Variants in LY75 observed in about 807,000 individuals in gnomAD.
LY75 encodes the protein lymphocyte antigen 75.
Under a neutral mutation model 231.7 loss-of-function variants are expected in LY75, and 185 were observed. The observed-to-expected ratio is 0.80, with a 90% CI of 0.71 to 0.90. The LOEUF is 0.90. LY75 is among the 40% of genes least tolerant of loss of function. The pLI, the probability that LY75 is intolerant of heterozygous loss-of-function variation, is 0.00. For missense variants in LY75, 1,947 were observed against 2,050.2 expected, an observed-to-expected ratio of 0.95 and a Z score of 0.97; for synonymous variants, 668 against 689.0, an observed-to-expected ratio of 0.97 and a Z score of 0.48.
Position 159,881,142 on chromosome 2 carries a change from C to T in LY75, c.1345G>A (p.Glu449Lys). ...TTGTAGGGAACATTTGGCTCATTCTCATCCCAATATGTTAGAGTAACTTCA... is the reference window on the plus strand; with the variant it reads ...TTGTAGGGAACATTTGGCTCATTCTTATCCCAATATGTTAGAGTAACTTCA... ...GTEVTLTYWD[E>K]NEPNVPYNKT... is the part of the protein sequence containing the mutation. Residue 449 changes from glutamate (E) to lysine (K), a missense_variant, in exon 8 of 35, where the codon GAG (glutamate) becomes AAG (lysine). Glu to Lys is a moderately conservative substitution (Grantham distance 56). Transcript: ENST00000263636. 6.2e-7 allele frequency: 1 copy of T among 1,613,918 alleles called. No homozygotes were observed. The highest frequency in any genetic ancestry group is 8.5e-7 in the Non-Finnish European group (1 of 1,179,906).
chr2:159,886,203 G>T (rs1453582996), intron 5 of LY75, among the ~76,000 whole-genome samples: 2 of 152,130 alleles, frequency 1.3e-5, no homozygotes, highest in African/African-American at 4.8e-5. Flanking sequence ...TGTTCTAAAG[G>T]TCTAGAGGTT....
Position 159,876,535 on chromosome 2 carries a change from C to T in LY75, c.1775-892G>A, listed in dbSNP as rs191979956. Among the ~76,000 whole-genome samples the T allele has an allele frequency of 3.5e-3, 530 of 152,200 alleles. 2 individuals carry two copies. Among genetic ancestry groups the T allele is most frequent in the Admixed American group, 5.5e-3 (84 of 15,272 alleles). On this transcript the variant is annotated intron_variant, in intron 11 of 34. Transcript: ENST00000263636. Reference sequence around the variant, plus strand: ...TTTCCCTGTTCAGTCCTTCTATCCACGGTGTGCCCATGATAGACCAAGTTG... The same window carrying T: ...TTTCCCTGTTCAGTCCTTCTATCCATGGTGTGCCCATGATAGACCAAGTTG...
chr2:159,879,456 C>CAG (rs1157081408), intron 8 of LY75, 87 bp from the exon 9 acceptor site: 9 of 1,542,850 alleles, frequency 5.8e-6, no homozygotes, highest in South Asian at 1.2e-5. Context: ...ATGACAGAGA[C>CAG]AGAGAGAGAG....
chr2:159,806,949 C>T (rs1219851280), intron 34 of LY75, 24 bp downstream of exon 34: 1 of 1,596,708 alleles, frequency 6.3e-7, no homozygotes, highest in Non-Finnish European at 8.5e-7. Flanking sequence ...CAAAAAGTCT[C>T]CTAAGGACAG....
chr2:159,891,750 A>G (rs1037376238), intron 3 of LY75, among the ~76,000 whole-genome samples: 2 of 152,338 alleles, frequency 1.3e-5, no homozygotes, highest in East Asian at 1.9e-4. Flanking sequence ...GAAGGAGGAT[A>G]AAGAATCCTT....
At chr2:159,888,754 T>C (rs1244384151) in intron 4 of LY75, among the ~76,000 whole-genome samples, 2 of 152,178 alleles carry the variant, frequency 1.3e-5, no homozygotes, top group East Asian at 3.8e-4. Flanking sequence ...TTATAAAAGG[T>C]GAATCCATTT....
chr2:159,878,414 C>T lies in LY75; in HGVS notation c.1684G>A (p.Asp562Asn), dbSNP rs1469500518. The part of the protein sequence containing the change: ...LRKYFWTGLR[D>N]VDSCGEYNWA... ...TTATACTCTCCACAAGAATCTACATCTCTCAGGCCAGTCCAGAAGTATTTT... is the reference window on the plus strand; with the variant it reads ...TTATACTCTCCACAAGAATCTACATTTCTCAGGCCAGTCCAGAAGTATTTT... Residue 562 changes from aspartate to asparagine, a missense_variant, in exon 11 of 35, where the codon GAT becomes AAT. Physicochemically the swap from Asp to Asn is conservative, Grantham distance 23 (BLOSUM62 1). Coordinates refer to ENST00000263636, the MANE Select transcript of LY75 (RefSeq NM_002349.4). 6.2e-7 allele frequency: 1 copy of T among 1,614,144 alleles called. No individual in the cohort carries two copies. Among genetic ancestry groups the T allele is most frequent in the South Asian group, 1.1e-5 (1 of 91,082 alleles).
At position 159,885,184 on chromosome 2, in the gene LY75, C is replaced by T; in HGVS notation, c.1023G>A (p.Arg341=). 6.2e-7 allele frequency: 1 copy of T among 1,613,500 alleles called. No homozygotes were observed. The highest frequency in any genetic ancestry group is 8.5e-7 in the Non-Finnish European group (1 of 1,179,632). The change falls in exon 6 of 35, where the codon AGG becomes AGA. Residue 341 remains arginine (R), a synonymous_variant. Transcript: ENST00000263636. ...ACTCCACTGTATTATTTAATGGTTT[C>T]CTGCAGACATAGGGCAGTTGAGCTT... ...SCEAQLPYVC[R]KPLNNTVELT...
intron 28 of LY75, among the ~76,000 whole-genome samples, chr2:159,830,516 G>A (rs1408451259): frequency 6.6e-6 from 1 of 151,594 alleles, no homozygotes; most frequent in East Asian, 1.9e-4. Context: ...ATCATATTTT[G>A]GATTGGTGGT....
chr2:159,832,570 C>T (rs887452401), intron 27 of LY75, among the ~76,000 whole-genome samples: 4 of 152,066 alleles, frequency 2.6e-5, no homozygotes, highest in African/African-American at 7.2e-5. Flanking sequence ...AAGGGTGTTC[C>T]TCACAAAATT....
At chr2:159,841,079 A>G (rs1206775647) in intron 24 of LY75, 124 bp from the exon 25 acceptor site, 2 of 1,430,560 alleles carry the variant, frequency 1.4e-6, no homozygotes, top group Non-Finnish European at 1.8e-6. Context: ...TATTTATTTT[A>G]GATTTTGGGT....
intron 3 of LY75, among the ~76,000 whole-genome samples, chr2:159,892,346 G>A (rs1166443423): frequency 6.6e-6 from 1 of 152,168 alleles, no homozygotes; most frequent in African/African-American, 2.4e-5. Context: ...TTTGGGACAA[G>A]GACTTCATAG....
At chr2:159,845,699 A>C (rs1684180582) in intron 23 of LY75, among the ~76,000 whole-genome samples, 1 of 150,200 alleles carries the variant, frequency 6.7e-6, no homozygotes. Flanking sequence ...GTAGGTTAAA[A>C]AATTTTTTTT....
At chr2:159,826,947 C>CA (rs1358589751) in intron 28 of LY75, among the ~76,000 whole-genome samples, 2 of 152,086 alleles carry the variant, frequency 1.3e-5, no homozygotes, top group Admixed American at 6.6e-5. Flanking sequence ...ACACCTTATA[C>CA]AAAAATAAAC....
At chr2:159,868,224 G>A (rs1343888156) in intron 13 of LY75, among the ~76,000 whole-genome samples, 1 of 152,170 alleles carries the variant, frequency 6.6e-6, no homozygotes, top group African/African-American at 2.4e-5. Context: ...TGTGTTAACT[G>A]CTAGGATCAG....
In LY75 at chr2:159,835,599, C is replaced by A. The variant is rs1683795315; in HGVS notation, c.3554G>T (p.Ser1185Ile). The change falls in exon 26 of 35, where the codon AGT becomes ATT. Residue 1185 changes from serine to isoleucine, a missense_variant. Transcript: ENST00000263636. ...GWSDGKRLHF[S>I]RWAETNGQLE... is the part of the protein sequence containing the mutation. ...TTGCCCATTAGTTTCAGCCCAGCGA[C>A]TAAAATGAAGACGTTTCCCATCTGA... 6.2e-7 allele frequency: 1 copy of A among 1,613,668 alleles called. No individual in the cohort carries two copies. The highest frequency in any genetic ancestry group is 1.3e-5 in the African/African-American group (1 of 74,906).
In LY75 at chr2:159,852,288, T is replaced by C. The variant is rs1684422913; in HGVS notation, c.2796A>G (p.Lys932=). The change falls in exon 21 of 35, where the codon AAA becomes AAG. Residue 932 remains lysine, a synonymous_variant. Coordinates refer to ENST00000263636, the MANE Select transcript of LY75 (RefSeq NM_002349.4). ...ATTTCTCTAACGAAGAAACATTATA[T>C]TTTTCACAGATGAAGGGCAACTTGG... The part of the protein sequence containing the change: ...CSTKLPFICE[K]YNVSSLEKYS... 1 of 1,614,078 alleles carries C rather than the reference T, an allele frequency of 6.2e-7. No homozygotes were observed. The highest frequency in any genetic ancestry group is 8.5e-7 in the Non-Finnish European group (1 of 1,179,978).
At chr2:159,867,771 A>G (rs1002269903) in intron 13 of LY75, among the ~76,000 whole-genome samples, 3 of 152,208 alleles carry the variant, frequency 2.0e-5, no homozygotes, top group Non-Finnish European at 4.4e-5. Context: ...CATTGCAAAC[A>G]AGGCTTTCTT....
intron 8 of LY75, among the ~76,000 whole-genome samples, chr2:159,880,619 T>C (rs973590211): frequency 6.6e-6 from 1 of 152,206 alleles, no homozygotes; most frequent in South Asian, 2.1e-4. Context: ...ATTTAGTAAT[T>C]GCTTTTATTT....
Sources: gnomAD v4.1 joint callset for allele counts (sites outside exome capture counted in the v4.1 genomes callset) on GRCh38, gnomAD v4.1.1 for gene constraint, MANE v1.5 for transcripts, NCBI Gene and HGNC (gene_info 2026-07-23, HGNC 2026-07-21) for gene names.